Variants in LRRC18 observed in about 807,000 individuals in gnomAD.
The protein encoded by LRRC18 is leucine rich repeat containing 18, also known as leucine-rich repeat-containing protein 18.
A neutral mutation model predicts 11.2 loss-of-function variants in LRRC18; 12 were observed. The ratio of observed to expected loss-of-function variants is 1.07; its 90% confidence interval spans 0.69 to 1.74. The LOEUF (loss-of-function observed/expected upper bound fraction) is 1.74. LRRC18 is among the 40% of genes most tolerant of loss of function. LRRC18 has a pLI of 0.00. For missense variants in LRRC18, 374 were observed against 330.5 expected (o/e 1.13, Z -1.02); for synonymous variants, 155 against 130.6 (o/e 1.19, Z -1.27).
At position 48,912,449 on chromosome 10, in the gene LRRC18, C is replaced by T. The variant is rs551476377; in HGVS notation, c.764+943G>A. On this transcript the variant is annotated intron_variant, in intron 1 of 1. Transcript: ENST00000374160. ...TGCCATGGACCTAGACCTGTCCAAC[C>T]TCAGAATCTTTGGCTTTTCTCTTTG... Among the ~76,000 whole-genome samples, 17 of 152,304 alleles carry T rather than the reference C, an allele frequency of 1.1e-4. No individual in the cohort carries two copies. In the South Asian group the frequency reaches 3.3e-3, roughly 30 times the overall value.
At chr10:48,911,299 G>A (rs759897470) in intron 1 of LRRC18, among the ~76,000 whole-genome samples, 3 of 152,204 alleles carry the variant, frequency 2.0e-5, no homozygotes, top group Non-Finnish European at 4.4e-5. Flanking sequence ...AGGATGCCGG[G>A]AAATGGGTTC....
At chr10:48,935,644 T>G in the LRRC18 span, among the ~76,000 whole-genome samples, 1 of 152,398 alleles carries the variant, frequency 6.6e-6, no homozygotes, top group African/African-American at 2.4e-5. Flanking sequence ...TTGAATTTAA[T>G]TATTTGTTAC....
the LRRC18 span, among the ~76,000 whole-genome samples, chr10:48,939,298 G>A: frequency 2.5e-4 from 38 of 152,312 alleles, 1 homozygote; most frequent in Non-Finnish European, 4.9e-4. Context: ...GAGTAGCTCC[G>A]TGCCCACACC....
chr10:48,934,360 C>T, the LRRC18 span, among the ~76,000 whole-genome samples: 1 of 152,208 alleles, frequency 6.6e-6, no homozygotes. Flanking sequence ...ACAGACATTA[C>T]AATTGAGTCA....
chr10:48,928,114 G>C, the LRRC18 span, among the ~76,000 whole-genome samples: 44 of 152,260 alleles, frequency 2.9e-4, no homozygotes, highest in Non-Finnish European at 5.4e-4. Flanking sequence ...TCTCCTCACA[G>C]CTCCTCTCCT....
the LRRC18 span, among the ~76,000 whole-genome samples, chr10:48,924,272 T>C: frequency 0.035 from 5,338 of 152,268 alleles, 135 homozygotes; most frequent in Non-Finnish European, 0.056. Context: ...GCAGAGTGTG[T>C]TGTGTGGCTC....
At chr10:48,919,358 G>A in the LRRC18 span, among the ~76,000 whole-genome samples, 1 of 152,096 alleles carries the variant, frequency 6.6e-6, no homozygotes, top group African/African-American at 2.4e-5. Context: ...AACCCAAATA[G>A]ACCTGTATTT....
At chr10:48,924,527 G>A in the LRRC18 span, among the ~76,000 whole-genome samples, 1 of 152,238 alleles carries the variant, frequency 6.6e-6, no homozygotes, top group South Asian at 2.1e-4. Context: ...TTTATGTATG[G>A]TTGGATGGAT....
the LRRC18 span, among the ~76,000 whole-genome samples, chr10:48,922,839 T>C: frequency 6.6e-6 from 1 of 152,170 alleles, no homozygotes; most frequent in Non-Finnish European, 1.5e-5. Flanking sequence ...GAAAAAGCCA[T>C]AACTTTAGGT....
exon 2 of LRRC18, chr10:48,910,023 A>C: frequency 1.8e-6 from 1 of 560,812 alleles, no homozygotes; most frequent in South Asian, 2.6e-5. Context: ...ACCACATCAA[A>C]TATTTCCCAA....
chr10:48,933,790 C>T, the LRRC18 span, among the ~76,000 whole-genome samples: 5 of 152,118 alleles, frequency 3.3e-5, no homozygotes, highest in African/African-American at 1.2e-4. Context: ...CAATTGCACA[C>T]CTTGTGTTCT....
chr10:48,932,572 G>T, the LRRC18 span: 15 of 151,844 alleles, frequency 9.9e-5, no homozygotes, highest in Admixed American at 8.5e-4. Flanking sequence ...TATGGGTCAG[G>T]TCAGTGGATA....
upstream of LRRC18, among the ~76,000 whole-genome samples, chr10:48,916,537 C>T (rs1317085149): frequency 6.6e-6 from 1 of 152,118 alleles, no homozygotes; most frequent in African/African-American, 2.4e-5. Flanking sequence ...TTTTCTCTAC[C>T]CTACTGCCAC....
chr10:48,913,980 C>T (rs942007465), exon 1 of LRRC18: 16 of 1,613,968 alleles, frequency 9.9e-6, no homozygotes, highest in Non-Finnish European at 1.3e-5. Flanking sequence ...GATAAGATTC[C>T]GGCTAAGGTC....
chr10:48,933,996 C>T, the LRRC18 span, among the ~76,000 whole-genome samples: 2 of 152,104 alleles, frequency 1.3e-5, no homozygotes, highest in African/African-American at 2.4e-5. Context: ...GGCTCAGGGG[C>T]CCTGCAGGGT....
chr10:48,936,795 G>A, the LRRC18 span, among the ~76,000 whole-genome samples: 13 of 145,300 alleles, frequency 8.9e-5, no homozygotes, highest in African/African-American at 3.1e-4. Flanking sequence ...CCGAGATCGC[G>A]CCACTGCACT....
upstream of LRRC18, among the ~76,000 whole-genome samples, chr10:48,916,091 C>T (rs1838503991): frequency 6.6e-6 from 1 of 152,224 alleles, no homozygotes; most frequent in African/African-American, 2.4e-5. Flanking sequence ...GAGAAGCACT[C>T]TGGGGACTCT....
exon 1 of LRRC18, chr10:48,913,673 C>G (rs750917616): frequency 1.2e-6 from 2 of 1,613,550 alleles, no homozygotes; most frequent in South Asian, 2.2e-5. Context: ...TGGAGATGCT[C>G]ACGGGGATGT....
chr10:48,918,120 A>G (rs1421533844), upstream of LRRC18, among the ~76,000 whole-genome samples: 1 of 152,226 alleles, frequency 6.6e-6, no homozygotes, highest in African/African-American at 2.4e-5. Flanking sequence ...AAATATATAA[A>G]TGAGAATAAA....
Sources: allele counts gnomAD v4.1 joint callset (sites outside exome capture counted in the v4.1 genomes callset), GRCh38; gene constraint gnomAD v4.1.1; transcripts MANE v1.5; gene names NCBI Gene and HGNC (gene_info 2026-07-23, HGNC 2026-07-21).